Variants in TMEM161B observed in about 807,000 individuals in gnomAD.
TMEM161B encodes transmembrane protein 161B.
Under a neutral mutation model 61.8 loss-of-function variants are expected in TMEM161B, and 34 were observed. The ratio of observed to expected loss-of-function variants is 0.55; its 90% CI spans 0.42 to 0.73. The LOEUF (loss-of-function observed/expected upper bound fraction) is 0.73. Ranked by LOEUF, TMEM161B falls within the 30% of genes least tolerant of loss-of-function variation. The pLI, the probability that TMEM161B is intolerant of heterozygous loss-of-function variation, is 0.00. For missense variants in TMEM161B, 456 were observed against 558.5 expected (o/e 0.82, Z 1.85); for synonymous variants, 167 against 192.8 (o/e 0.87, Z 1.11).
At chr5:88,242,094 T>C (rs948532648) in intron 1 of TMEM161B, among the ~76,000 whole-genome samples, 2 of 151,794 alleles carry the variant, frequency 1.3e-5, no homozygotes, top group Non-Finnish European at 2.9e-5. Context: ...GTAATACCTG[T>C]AAGTCTCTTT....
At chr5:88,206,547 T>A in intron 6 of TMEM161B, 48 bp from the exon 7 acceptor site, 2 of 1,444,008 alleles carry the variant, frequency 1.4e-6, no homozygotes, top group Non-Finnish European at 1.9e-6. Flanking sequence ...ATCACAAATG[T>A]GAAATACAGA....
rs1749472576 is a variant in TMEM161B at position 88,195,452 on chromosome 5, T to C, written c.*759A>G. ...AAAGTCTGATCAGTATTGATAAATA[T>C]TTTAGCCTATTAAAAGGAACTAGTT... is the stretch of plus-strand genomic sequence containing the variant. On this transcript the variant is annotated 3_prime_UTR_variant, in exon 12 of 12. Coordinates refer to ENST00000296595, the MANE Select transcript of TMEM161B (RefSeq NM_153354.5). 5 of 974,066 alleles carry C rather than the reference T, an allele frequency of 5.1e-6. No homozygotes were observed. The South Asian group carries it at 1.4e-4, about 28-fold the overall frequency. 60.3% of individuals were successfully genotyped at this position (974,066 alleles called of 1,614,324 possible).
At chr5:88,214,818 T>A (rs1038056609) in intron 5 of TMEM161B, among the ~76,000 whole-genome samples, 2 of 152,080 alleles carry the variant, frequency 1.3e-5, no homozygotes, top group Admixed American at 6.6e-5. Context: ...TGAGAATTAG[T>A]TTGGGTTTAG....
At chr5:88,245,582 A>T (rs1753488102) in intron 1 of TMEM161B, among the ~76,000 whole-genome samples, 1 of 151,906 alleles carries the variant, frequency 6.6e-6, no homozygotes, top group African/African-American at 2.4e-5. Context: ...CATATATAAT[A>T]ATTTATTAAA....
intron 1 of TMEM161B, among the ~76,000 whole-genome samples, chr5:88,249,518 T>C (rs1356167793): frequency 6.6e-6 from 1 of 152,172 alleles, no homozygotes; most frequent in Non-Finnish European, 1.5e-5. Context: ...GTAGTTCCAA[T>C]GGCAACTCAA....
chr5:88,245,955 T>C (rs1753554977), intron 1 of TMEM161B, among the ~76,000 whole-genome samples: 2 of 151,862 alleles, frequency 1.3e-5, no homozygotes, highest in African/African-American at 2.4e-5. Context: ...AGAAGAGAAA[T>C]ACATTTTAGA....
At chr5:88,209,327 A>AT (rs1383970075) in intron 5 of TMEM161B, among the ~76,000 whole-genome samples, 1 of 152,158 alleles carries the variant, frequency 6.6e-6, no homozygotes, top group Non-Finnish European at 1.5e-5. Context: ...ACACTGCTTT[A>AT]TTTTTACTGA....
chr5:88,240,430 T>G (rs1419665125), intron 2 of TMEM161B, among the ~76,000 whole-genome samples: 3 of 151,748 alleles, frequency 2.0e-5, no homozygotes, highest in Non-Finnish European at 4.4e-5. Context: ...GTGTTTTCAG[T>G]GCCCACAGAC....
intron 5 of TMEM161B, among the ~76,000 whole-genome samples, chr5:88,208,396 G>C (rs1230778045): frequency 1.3e-5 from 2 of 152,090 alleles, no homozygotes; most frequent in African/African-American, 4.8e-5. Flanking sequence ...GCAGCAGAAT[G>C]GCGTGAACCC....
At chr5:88,253,368 C>T (rs1279712073) in intron 1 of TMEM161B, among the ~76,000 whole-genome samples, 3 of 152,068 alleles carry the variant, frequency 2.0e-5, no homozygotes, top group Non-Finnish European at 4.4e-5. Flanking sequence ...TGGGAACACT[C>T]CAATAGAGTG....
At chr5:88,221,355 CG>C (rs749585857) in intron 4 of TMEM161B, 4 of 177,830 alleles carry the variant, frequency 2.2e-5, no homozygotes, top group Non-Finnish European at 4.8e-5. Flanking sequence ...AAAAATTAGC[CG>C]GGCATTGTGG....
In TMEM161B at chr5:88,196,332, T is replaced by A. The variant is rs765914164; in HGVS notation, c.1343A>T (p.Asn448Ile). The change falls in exon 12 of 12, where the codon AAT becomes ATT. Residue 448 changes from asparagine to isoleucine, a missense_variant. By Grantham distance (149) the Asn-to-Ile change is moderately radical. This residue lies in a region of TMEM161B where 367 missense variants were observed against 427.3 expected (regional missense o/e 0.86). Transcript: ENST00000296595. ...QITVALSSLKNIFTPLLFRGL... is the reference protein window; with the variant it reads ...QITVALSSLKIIFTPLLFRGL... ...TCGAAAAAGAAGAGGAGTAAAAATA[T>A]TTTTTAAGCTGCTCAGTGCCACTGT... 4 of 1,613,426 alleles carry A rather than the reference T, an allele frequency of 2.5e-6. No individual in the cohort carries two copies. In the South Asian group the frequency reaches 4.4e-5, roughly 18 times the overall value.
chr5:88,208,524 C>G (rs1210954709), intron 5 of TMEM161B, among the ~76,000 whole-genome samples: 4 of 152,118 alleles, frequency 2.6e-5, no homozygotes, highest in Admixed American at 6.5e-5. Flanking sequence ...CGCCTGCAAT[C>G]CCAGGTACTC....
chr5:88,188,591 A>G (rs1748508125), downstream of TMEM161B, among the ~76,000 whole-genome samples: 1 of 152,212 alleles, frequency 6.6e-6, no homozygotes, highest in Non-Finnish European at 1.5e-5. Flanking sequence ...TATAAAGGAT[A>G]AAATAAAGCA....
intron 5 of TMEM161B, among the ~76,000 whole-genome samples, chr5:88,218,698 G>T (rs10059921): frequency 0.057 from 8,727 of 152,064 alleles, 354 homozygotes; most frequent in South Asian, 0.15. Flanking sequence ...AAAAGAAAAA[G>T]AAAATAAATC....
chr5:88,256,101 A>C (rs2112749651), intron 1 of TMEM161B, among the ~76,000 whole-genome samples: 1 of 152,354 alleles, frequency 6.6e-6, no homozygotes, highest in South Asian at 2.1e-4. Flanking sequence ...TTTTCATAAC[A>C]ATAGAAAACA....
chr5:88,205,040 C>A lies in TMEM161B; in HGVS notation c.800+774G>T, dbSNP rs543591544. Among the ~76,000 whole-genome samples, 48 of 152,186 alleles carry A rather than the reference C, an allele frequency of 3.2e-4. No homozygotes were observed. In the South Asian group the frequency reaches 7.2e-3, roughly 23 times the overall value. On this transcript the variant is annotated intron_variant, in intron 8 of 11. Transcript: ENST00000296595. ...CAAAATGAAATATTCTCAAGTTGGGCTTCTACTGCAAAACAAAACGATGAG... is the reference window on the plus strand; with the variant it reads ...CAAAATGAAATATTCTCAAGTTGGGATTCTACTGCAAAACAAAACGATGAG...
intron 7 of TMEM161B, 61 bp from the exon 8 acceptor site, chr5:88,206,015 T>A: frequency 7.9e-7 from 1 of 1,261,758 alleles, no homozygotes; most frequent in Non-Finnish European, 1.1e-6. Context: ...GAAGAATTTC[T>A]TTTCTTCTAA....
At chr5:88,249,556 C>A (rs528617889) in intron 1 of TMEM161B, among the ~76,000 whole-genome samples, 8 of 152,114 alleles carry the variant, frequency 5.3e-5, no homozygotes, top group Non-Finnish European at 1.0e-4. Context: ...AAACTCAGAT[C>A]GTAATTTTCC....
Sources: allele counts gnomAD v4.1 joint callset (sites outside exome capture counted in the v4.1 genomes callset), GRCh38; gene constraint gnomAD v4.1.1; regional missense constraint gnomAD v4.1.1; transcripts MANE v1.5; gene names NCBI Gene and HGNC (gene_info 2026-07-23, HGNC 2026-07-21).